Variants in AS3MT observed in about 807,000 individuals in gnomAD.
AS3MT encodes the protein S-adenosyl-L-methionine:arsenic(III) methyltransferase.
AS3MT carries 47 observed loss-of-function variants against 45.3 expected under a neutral mutation model. That is an observed-to-expected ratio of 1.04 (90% CI 0.82 to 1.32). The LOEUF (loss-of-function observed/expected upper bound fraction) is 1.32. Among genes scored for constraint, AS3MT ranks in the 40% most tolerant of loss-of-function variants. AS3MT has a pLI of 0.00. For missense variants in AS3MT, 396 were observed against 451.1 expected (o/e 0.88, Z 1.11); for synonymous variants, 141 against 152.8 (o/e 0.92, Z 0.57).
chr10:102,882,865 A>G (rs1844886517), intron 9 of AS3MT, among the ~76,000 whole-genome samples: 1 of 151,960 alleles, frequency 6.6e-6, no homozygotes, highest in South Asian at 2.1e-4. Context: ...TGCTGGGATT[A>G]CAGGCGTGAG....
chr10:102,878,940 A>C lies in AS3MT; in HGVS notation c.834A>C (p.Gly278=). 6.2e-7 allele frequency: 1 copy of C among 1,613,834 alleles called. No homozygotes were observed. Among genetic ancestry groups the C allele is most frequent in the Non-Finnish European group, 8.5e-7 (1 of 1,179,742 alleles). Reference sequence around the variant, plus strand: ...GATGCCAAGTTATTTACAATGGAGGAATTACAGGACATGAAAAAGAACTAA... The same window carrying C: ...GATGCCAAGTTATTTACAATGGAGGCATTACAGGACATGAAAAAGAACTAA... ...TKRCQVIYNG[G]ITGHEKELMF... Residue 278 remains glycine, a synonymous_variant, in exon 9 of 11, where the codon GGA becomes GGC. Transcript: ENST00000369880.
chr10:102,889,614 G>GCCTT (rs1554884643), intron 9 of AS3MT, among the ~76,000 whole-genome samples: 44,269 of 114,032 alleles, frequency 0.39, 8,548 homozygotes, highest in Middle Eastern at 0.5. Context: ...CTGTCTGCCT[G>GCCTT]CCTTCCTTCC....
At chr10:102,869,674 C>T (rs1177532046) in intron 1 of AS3MT, 81 bp downstream of exon 1, 5 of 1,602,608 alleles carry the variant, frequency 3.1e-6, no homozygotes, top group Non-Finnish European at 3.4e-6. Context: ...CGAGCGCCTC[C>T]CCCGAGCTGT....
In AS3MT at chr10:102,900,963, T is replaced by C. The variant is rs797018563; in HGVS notation, c.*263T>C. 24 of 306,582 alleles carry C rather than the reference T, an allele frequency of 7.8e-5. No individual in the cohort carries two copies. Among genetic ancestry groups the C allele is most frequent in the African/African-American group, 4.7e-4 (22 of 46,550 alleles). The allele number at this position is 306,582 out of a possible 1,614,324, so 19.0% of individuals were successfully genotyped here. A position where few individuals can be genotyped will look rare whatever the true frequency, so the allele number is the denominator to read the frequency against. On this transcript the variant is annotated 3_prime_UTR_variant, in exon 11 of 11. Coordinates refer to ENST00000369880, the MANE Select transcript of AS3MT (RefSeq NM_020682.4). ...TTAGCTGGGCATGGTGGTGCACACC[T>C]ATAGTCTCAGCTACTCGGGAGGCTG... is the stretch of plus-strand genomic sequence containing the variant.
chr10:102,884,195 G>A (rs1564793224), intron 9 of AS3MT, among the ~76,000 whole-genome samples: 1 of 152,036 alleles, frequency 6.6e-6, no homozygotes, highest in South Asian at 2.1e-4. Flanking sequence ...GGCCAGGCTG[G>A]TCTTGAACTC....
intron 10 of AS3MT, among the ~76,000 whole-genome samples, chr10:102,895,634 T>G (rs2134132473): frequency 6.6e-6 from 1 of 152,304 alleles, no homozygotes; most frequent in East Asian, 1.9e-4. Context: ...CAAACCATTG[T>G]TACAATAATA....
chr10:102,876,838 C>A, intron 6 of AS3MT, 116 bp from the exon 7 acceptor site: 1 of 1,036,228 alleles, frequency 9.7e-7, no homozygotes, highest in Non-Finnish European at 1.5e-6. Flanking sequence ...AAAGGGTCAG[C>A]TTAAACATTG....
chr10:102,876,002 G>T (rs143910868), intron 6 of AS3MT, among the ~76,000 whole-genome samples: 2 of 114,812 alleles, frequency 1.7e-5, no homozygotes, highest in South Asian at 6.5e-4. Context: ...TATCTATATA[G>T]AAATGATTTA....
At chr10:102,882,375 C>G (rs895398021) in intron 9 of AS3MT, among the ~76,000 whole-genome samples, 1 of 149,262 alleles carries the variant, frequency 6.7e-6, no homozygotes, top group African/African-American at 2.5e-5. Flanking sequence ...AATAGCATCT[C>G]CAGATTTCTT....
intron 9 of AS3MT, among the ~76,000 whole-genome samples, chr10:102,879,694 G>A (rs544663424): frequency 7.3e-5 from 11 of 151,006 alleles, no homozygotes; most frequent in Non-Finnish European, 1.3e-4. Context: ...GCATGAACCC[G>A]GGAGGTGGAG....
chr10:102,899,897 C>A (rs1364159003), intron 10 of AS3MT, among the ~76,000 whole-genome samples: 1 of 152,074 alleles, frequency 6.6e-6, no homozygotes, highest in African/African-American at 2.4e-5. Context: ...AAACTCCTGG[C>A]CTCAGGTGAT....
chr10:102,874,691 T>C (rs565249145), intron 6 of AS3MT, 30 bp downstream of exon 6: 4 of 1,501,984 alleles, frequency 2.7e-6, no homozygotes, highest in African/African-American at 1.4e-5. Context: ...AAATTATCTT[T>C]GAACATCAGT....
At chr10:102,890,843 C>A in intron 10 of AS3MT, 165 bp downstream of exon 10, 1 of 572,512 alleles carries the variant, frequency 1.7e-6, no homozygotes, top group Non-Finnish European at 2.8e-6. Flanking sequence ...TCCCGATTAG[C>A]TAAGATTACA....
intron 10 of AS3MT, among the ~76,000 whole-genome samples, chr10:102,895,354 C>T (rs1476310444): frequency 3.9e-5 from 6 of 151,998 alleles, no homozygotes; most frequent in African/African-American, 1.2e-4. Flanking sequence ...CGCCAGCCAC[C>T]ATGCCTGGCT....
At chr10:102,889,221 C>A (rs2134126043) in intron 9 of AS3MT, among the ~76,000 whole-genome samples, 1 of 152,144 alleles carries the variant, frequency 6.6e-6, no homozygotes, top group South Asian at 2.1e-4. Flanking sequence ...TAATCAACTT[C>A]TCTTTATCTC....
chr10:102,888,377 T>A (rs918724936), intron 9 of AS3MT, among the ~76,000 whole-genome samples: 3 of 152,208 alleles, frequency 2.0e-5, no homozygotes, highest in Non-Finnish European at 4.4e-5. Flanking sequence ...AAAGATTAAA[T>A]TAGTGTAATT....
intron 9 of AS3MT, among the ~76,000 whole-genome samples, chr10:102,880,909 T>C (rs1336916375): frequency 6.6e-6 from 1 of 152,236 alleles, no homozygotes; most frequent in Non-Finnish European, 1.5e-5. Context: ...ACAAGAAATA[T>C]AAAATTTAGT....
chr10:102,895,342 T>A (rs1590231165), intron 10 of AS3MT, among the ~76,000 whole-genome samples: 1 of 151,768 alleles, frequency 6.6e-6, no homozygotes, highest in Non-Finnish European at 1.5e-5. Context: ...GGATTACAGG[T>A]GCGCCAGCCA....
intron 9 of AS3MT, among the ~76,000 whole-genome samples, chr10:102,888,881 ATTTTT>A (rs869038434): frequency 3.8e-5 from 2 of 52,518 alleles, no homozygotes; most frequent in South Asian, 7.5e-4. Context: ...ATATATATAT[ATTTTT>A]TTTTTTTTTT....
Sources: gnomAD v4.1 joint callset for allele counts (sites outside exome capture counted in the v4.1 genomes callset) on GRCh38, gnomAD v4.1.1 for gene constraint, MANE v1.5 for transcripts, NCBI Gene and HGNC (gene_info 2026-07-23, HGNC 2026-07-21) for gene names.